Variants in MICAL2 observed in about 807,000 individuals in gnomAD.
MICAL2 encodes microtubule associated monooxygenase, calponin and LIM domain containing 2.
A neutral mutation model predicts 127.3 loss-of-function variants in MICAL2; 77 were observed. That is an observed-to-expected ratio of 0.60 (90% CI 0.50 to 0.73). The LOEUF (loss-of-function observed/expected upper bound fraction) is 0.73, where lower values mean the gene tolerates loss of function less well. Among genes scored for constraint, MICAL2 ranks in the 30% least tolerant of loss-of-function variants. MICAL2 has a pLI of 0.00. For synonymous variants in MICAL2, 570 were observed against 551.1 expected, an observed-to-expected ratio of 1.03 and a Z score of -0.48; for missense variants, 1,351 against 1,434.4, an observed-to-expected ratio of 0.94 and a Z score of 0.94.
At chr11:12,280,708 G>C (rs927165689) in intron 1 of MICAL2, among the ~76,000 whole-genome samples, 8 of 152,230 alleles carry the variant, frequency 5.3e-5, no homozygotes, top group African/African-American at 1.9e-4. Flanking sequence ...CTTATCTCTA[G>C]ATGCAGTCAT....
intron 1 of MICAL2, among the ~76,000 whole-genome samples, chr11:12,113,910 C>T (rs2133415484): frequency 6.6e-6 from 1 of 152,316 alleles, no homozygotes; most frequent in African/African-American, 2.4e-5. Flanking sequence ...TCTCACCTCA[C>T]TATGAAATGG....
rs772561799 is a variant in MICAL2 at position 12,236,240 on chromosome 11, G to A, written c.2059G>A (p.Asp687Asn). The change falls in exon 16 of 28, where the codon GAC becomes AAC. Residue 687 changes from aspartate (D) to asparagine (N), a missense_variant. This residue lies in a region of MICAL2 where 752 missense variants were observed against 719.4 expected (regional missense o/e 1.05). Coordinates refer to ENST00000683283, the MANE Select transcript of MICAL2 (RefSeq NM_001282663.2). ...GAGACGGAAGGGCTTCACCAACCTG[G>A]ACGAGGTTTGTGTACACAGTGTGGC... ...KRRRKGFTNL[D>N]EPSNFSSRSL... The A allele has an allele frequency of 1.4e-5, 23 of 1,614,054 alleles. No homozygotes were observed. Among genetic ancestry groups the A allele is most frequent in the East Asian group, 2.2e-5 (1 of 44,894 alleles).
At chr11:12,358,584 T>TGA (rs138103430), downstream of MICAL2, 1,117 of 830,120 alleles carry the variant, frequency 1.3e-3, 7 homozygotes, top group Non-Finnish European at 1.6e-3. Context: ...TCCCTGGAAC[T>TGA]TGTTATACCT....
At chr11:12,224,895 T>G in intron 13 of MICAL2, 75 bp downstream of exon 13, 3 of 1,502,414 alleles carry the variant, frequency 2.0e-6, no homozygotes, top group Non-Finnish European at 1.8e-6. Flanking sequence ...GAATCTTCAT[T>G]ACTTGGTTCA....
At chr11:12,178,206 T>C (rs985805026) in intron 3 of MICAL2, among the ~76,000 whole-genome samples, 18 of 152,154 alleles carry the variant, frequency 1.2e-4, no homozygotes, top group African/African-American at 4.3e-4. Context: ...GCTGAACACG[T>C]GGCAGTGACT....
At chr11:12,176,404 T>C (rs757056070) in intron 3 of MICAL2, among the ~76,000 whole-genome samples, 23 of 152,222 alleles carry the variant, frequency 1.5e-4, no homozygotes, top group Non-Finnish European at 3.2e-4. Context: ...AGAAAACACA[T>C]GTAAAACATA....
intron 30 of MICAL2, among the ~76,000 whole-genome samples, chr11:12,322,124 G>A (rs969045913): frequency 6.6e-6 from 1 of 152,118 alleles, no homozygotes; most frequent in African/African-American, 2.4e-5. Context: ...GAATAAATGG[G>A]ATGATACATG....
intron 3 of MICAL2, 150 bp downstream of exon 3, chr11:12,162,569 C>T (rs1172121707): frequency 2.7e-6 from 3 of 1,106,868 alleles, no homozygotes; most frequent in Admixed American, 5.6e-5. Context: ...TTTCCTTTGT[C>T]TCTAAGCATC....
In MICAL2 at chr11:12,191,279, A is replaced by C. The variant is rs1859063684; in HGVS notation, c.265-12971A>C. Among the ~76,000 whole-genome samples the C allele has an allele frequency of 3.3e-5, 5 of 152,114 alleles. No individual in the cohort carries two copies. The South Asian group carries it at 1.0e-3, about 32-fold the overall frequency. On this transcript the variant is annotated intron_variant, in intron 3 of 27. Transcript: ENST00000683283. ...CAGGAGTTCAAGACCAGCCTGGCCA[A>C]CATGGTGAAACCCTATCTCTATTTA...
intron 34 of MICAL2, chr11:12,354,927 C>A: frequency 7.0e-7 from 1 of 1,435,088 alleles, no homozygotes; most frequent in Non-Finnish European, 9.7e-7. Flanking sequence ...TGCCACAAAT[C>A]CCAGAGTGGG....
chr11:12,295,479 T>C (rs1386340386), downstream of MICAL2, among the ~76,000 whole-genome samples: 1 of 129,562 alleles, frequency 7.7e-6, no homozygotes, highest in Non-Finnish European at 1.6e-5. Flanking sequence ...GAGAGACAGG[T>C]CTTTCTCTGT....
downstream of MICAL2, chr11:12,263,833 C>T (rs1716146959): frequency 6.6e-6 from 1 of 152,606 alleles, no homozygotes; most frequent in Non-Finnish European, 1.5e-5. Flanking sequence ...TAAAACCTCA[C>T]ACACAGGGAT....
intron 33 of MICAL2, chr11:12,354,757 A>T (rs1371697868): frequency 6.2e-7 from 1 of 1,604,944 alleles, no homozygotes; most frequent in Non-Finnish European, 8.5e-7. Flanking sequence ...TATAGTATTC[A>T]TAAAATTTGA....
intron 1 of MICAL2, among the ~76,000 whole-genome samples, chr11:12,277,512 G>T (rs191560675): frequency 6.6e-5 from 10 of 152,310 alleles, no homozygotes; most frequent in Middle Eastern, 3.4e-3. Context: ...CTGAGAATTG[G>T]TTGGCAAGAA....
chr11:12,135,598 GA>G (rs1851770561), intron 1 of MICAL2, among the ~76,000 whole-genome samples: 1 of 152,200 alleles, frequency 6.6e-6, no homozygotes, highest in Non-Finnish European at 1.5e-5. Context: ...TTTAAAAAAA[GA>G]AATTGAGGCT....
chr11:12,170,657 G>A (rs559694676), intron 3 of MICAL2, among the ~76,000 whole-genome samples: 11 of 152,254 alleles, frequency 7.2e-5, no homozygotes, highest in African/African-American at 2.6e-4. Context: ...TTCTCTTTAT[G>A]ATTCAGTTCA....
chr11:12,200,745 G>A (rs925007726), intron 3 of MICAL2, among the ~76,000 whole-genome samples: 1 of 152,210 alleles, frequency 6.6e-6, no homozygotes, highest in Non-Finnish European at 1.5e-5. Flanking sequence ...GGGATTTTAG[G>A]TTTAGCCAAG....
intron 4 of MICAL2, among the ~76,000 whole-genome samples, chr11:12,204,979 G>A (rs1280477959): frequency 6.6e-6 from 1 of 152,180 alleles, no homozygotes; most frequent in Non-Finnish European, 1.5e-5. Flanking sequence ...TGGTGTTGCT[G>A]GGGAGCCATG....
chr11:12,313,214 A>G (rs1244518999), intron 29 of MICAL2, among the ~76,000 whole-genome samples: 2 of 150,088 alleles, frequency 1.3e-5, no homozygotes, highest in African/African-American at 4.9e-5. Flanking sequence ...AAGACAAGTC[A>G]GATTATTTCT....
Sources: allele counts gnomAD v4.1 joint callset (sites outside exome capture counted in the v4.1 genomes callset), GRCh38; gene constraint gnomAD v4.1.1; regional missense constraint gnomAD v4.1.1; transcripts MANE v1.5; gene names NCBI Gene and HGNC (gene_info 2026-07-23, HGNC 2026-07-21).